LRP8: variants seen among roughly 807,000 people sequenced by gnomAD.
LRP8 encodes low-density lipoprotein receptor-related protein 8.
A neutral mutation model predicts 111.6 loss-of-function variants in LRP8; 46 were observed. The ratio of observed to expected loss-of-function variants is 0.41; its 90% CI spans 0.33 to 0.53. The LOEUF is 0.53. Ranked by LOEUF, LRP8 falls within the 20% of genes least tolerant of loss-of-function variation. The probability of loss-of-function intolerance (pLI) is 0.20; values close to 1 mark genes in which losing one functional copy is unlikely to be tolerated. For synonymous variants in LRP8, 464 were observed against 511.2 expected, an observed-to-expected ratio of 0.91 and a Z score of 1.24; for missense variants, 959 against 1,297.4, an observed-to-expected ratio of 0.74 and a Z score of 4.01.
intron 2 of LRP8, among the ~76,000 whole-genome samples, chr1:53,312,311 C>T (rs1653148839): frequency 1.3e-5 from 2 of 152,190 alleles, no homozygotes; most frequent in Admixed American, 1.3e-4. Flanking sequence ...CTTCCAAGAT[C>T]CTCTGTTTCT....
At position 53,276,756 on chromosome 1, in the gene LRP8, C is replaced by T. The variant is rs1272767058; in HGVS notation, c.819G>A (p.Val273=). The T allele has an allele frequency of 6.1e-6, 9 of 1,479,842 alleles. No individual in the cohort carries two copies. The allele number at this position is 1,479,842 out of a possible 1,614,324, so 91.7% of individuals were successfully genotyped here. A position where few individuals can be genotyped will look rare whatever the true frequency, so the allele number is the denominator to read the frequency against. Residue 273 remains valine (V), a synonymous_variant, in exon 5 of 19, where the codon GTG becomes GTA. Transcript: ENST00000306052. ...SQFACRSGEC[V]HLGWRCDGDR... ...CGCCGTCGCAGCGCCAGCCCAGGTGCACGCACTCGCCGCTGCGGCAGGCGA... is the reference window on the plus strand; with the variant it reads ...CGCCGTCGCAGCGCCAGCCCAGGTGTACGCACTCGCCGCTGCGGCAGGCGA...
At position 53,276,963 on chromosome 1, in the gene LRP8, C is replaced by T; in HGVS notation, c.612G>A (p.Pro204=). The T allele has an allele frequency of 6.7e-7, 1 of 1,485,704 alleles. No homozygotes were observed. The highest frequency in any genetic ancestry group is 8.9e-7 in the Non-Finnish European group (1 of 1,121,760). The allele number at this position is 1,485,704 out of a possible 1,614,324, so 92.0% of individuals were successfully genotyped here. ...DGSDERGCAD[P]ACGPREFRCG... ...AGCGGAACTCGCGGGGCCCGCAGGC[C>T]GGGTCTGCACAGCCGCGCTCATCGC... Residue 204 remains proline (P), a synonymous_variant, in exon 5 of 19, where the codon CCG becomes CCA. Transcript: ENST00000306052.
At chr1:53,260,410 A>AG (rs1646285484) in intron 13 of LRP8, 54 bp downstream of exon 13, 2 of 1,579,536 alleles carry the variant, frequency 1.3e-6, no homozygotes, top group African/African-American at 2.7e-5. Context: ...GTGAAAGGAG[A>AG]GGACACAGTG....
chr1:53,310,622 T>C (rs907398964), intron 2 of LRP8, among the ~76,000 whole-genome samples: 1 of 152,148 alleles, frequency 6.6e-6, no homozygotes, highest in Non-Finnish European at 1.5e-5. Flanking sequence ...TCTGCGCTGC[T>C]CTGAGGACGC....
chr1:53,250,870 A>AAGGACAC lies in LRP8; in HGVS notation c.2504-15_2504-9dup. The AAGGACAC allele has an allele frequency of 6.2e-7, 1 of 1,613,912 alleles. No homozygotes were observed. The highest frequency in any genetic ancestry group is 2.2e-5 in the East Asian group (1 of 44,884). On this transcript the variant is annotated splice_polypyrimidine_tract_variant and intron_variant, in intron 16 of 18. Transcript: ENST00000306052. This position sits in a 1 kb window ranked among gnomAD's most constrained non-coding sequence, Gnocchi z 4.6. ...ACAGGAGGGCTATCACCACTGGAGG[A>AAGGACAC]AGGACACAGGACACTGGACCTCCAG...
chr1:53,246,009 A>G lies in LRP8; in HGVS notation c.*1009T>C, dbSNP rs1204953383. 1 of 152,466 alleles carries G rather than the reference A, an allele frequency of 6.6e-6. No homozygotes were observed. The highest frequency in any genetic ancestry group is 1.9e-4 in the East Asian group (1 of 5,196). 9.4% of individuals were successfully genotyped at this position (152,466 alleles called of 1,614,324 possible). On this transcript the variant is annotated 3_prime_UTR_variant, in exon 19 of 19. Coordinates refer to ENST00000306052, the MANE Select transcript of LRP8 (RefSeq NM_004631.5). ...GAAAGAAATTGAAGAAGTTACTCAA[A>G]GAGCTGAACTTTAAAACAAGGAGTA... is the stretch of plus-strand genomic sequence containing the variant.
chr1:53,291,410 CT>C (rs1019027750), intron 2 of LRP8, among the ~76,000 whole-genome samples: 1 of 152,070 alleles, frequency 6.6e-6, no homozygotes, highest in African/African-American at 2.4e-5. Context: ...GCCTGCCCCG[CT>C]CCCTCATCTT....
chr1:53,270,643 GA>G (rs1646729247), intron 8 of LRP8, among the ~76,000 whole-genome samples: 1 of 152,118 alleles, frequency 6.6e-6, no homozygotes, highest in African/African-American at 2.4e-5. Context: ...GGAACTTCAA[GA>G]AAAAAACCCA....
At chr1:53,253,818 A>G (rs540493639) in intron 16 of LRP8, among the ~76,000 whole-genome samples, 12 of 152,358 alleles carry the variant, frequency 7.9e-5, no homozygotes, top group African/African-American at 2.9e-4. Context: ...TCACAAGAGT[A>G]TCATGCCACT....
intron 9 of LRP8, 88 bp from the exon 10 acceptor site, chr1:53,264,484 A>G (rs1646476498): frequency 9.9e-7 from 1 of 1,011,528 alleles, no homozygotes; most frequent in Non-Finnish European, 1.5e-6. Flanking sequence ...CCTCTCTTCC[A>G]TCTGGGCCAT....
chr1:53,290,873 C>T (rs757821108), intron 2 of LRP8, among the ~76,000 whole-genome samples: 1 of 152,070 alleles, frequency 6.6e-6, no homozygotes, highest in East Asian at 1.9e-4. Flanking sequence ...CGGGAAGGGG[C>T]CTTGAGCGCT....
Position 53,327,497 on chromosome 1 carries a change from G to T in LRP8, c.124+292C>A. The T allele has an allele frequency of 6.0e-6, 2 of 333,548 alleles. 1 individual carries two copies. The highest frequency in any genetic ancestry group is 1.1e-5 in the Non-Finnish European group (2 of 185,878). 20.7% of individuals were successfully genotyped at this position (333,548 alleles called of 1,614,324 possible). A position where few individuals can be genotyped will look rare whatever the true frequency, so the allele number is the denominator to read the frequency against. ...AAACCCCAACGGCGAGAATCACACAGCTCATCCGGAACCATGAATGGCCGC... is the reference window on the plus strand; with the variant it reads ...AAACCCCAACGGCGAGAATCACACATCTCATCCGGAACCATGAATGGCCGC... On this transcript the variant is annotated intron_variant, in intron 1 of 18. Coordinates refer to ENST00000306052, the MANE Select transcript of LRP8 (RefSeq NM_004631.5).
chr1:53,325,762 C>G (rs944499740), intron 2 of LRP8, among the ~76,000 whole-genome samples: 11 of 152,360 alleles, frequency 7.2e-5, no homozygotes, highest in Admixed American at 2.0e-4. Flanking sequence ...TGTCGCCCTC[C>G]TCCCTCAGAC....
chr1:53,287,795 G>A (rs548416268), intron 3 of LRP8, among the ~76,000 whole-genome samples: 108 of 152,224 alleles, frequency 7.1e-4, no homozygotes, highest in African/African-American at 2.3e-3. Context: ...GCAGGTGCTG[G>A]GATGGGCAAG....
rs1212220352 is a variant in LRP8 at position 53,327,791 on chromosome 1, T to C, written c.122A>G (p.Gln41Arg). ...AGTCAGAGACCGGCTGCACGCACCT[T>C]GGCCGCCGAGCAGCGGATCAGCCGC... ...AAAADPLLGG[Q>R]GPAKDCEKDQ... The change falls in exon 1 of 19, where the codon CAA (glutamine) becomes CGA (arginine). Residue 41 changes from glutamine to arginine, a missense_variant and splice_region_variant. Gln to Arg is a conservative substitution (Grantham distance 43, BLOSUM62 1). This residue lies in a region of LRP8 where 97 missense variants were observed against 107.5 expected (regional missense o/e 0.90). Transcript: ENST00000306052. 9 of 1,510,512 alleles carry C rather than the reference T, an allele frequency of 6.0e-6. No homozygotes were observed. Among genetic ancestry groups the C allele is most frequent in the African/African-American group, 1.4e-5 (1 of 70,176 alleles). 93.6% of individuals were successfully genotyped at this position (1,510,512 alleles called of 1,614,324 possible).
intron 2 of LRP8, among the ~76,000 whole-genome samples, chr1:53,323,219 G>C (rs114783146): frequency 6.7e-4 from 102 of 152,308 alleles, no homozygotes; most frequent in African/African-American, 2.4e-3. Context: ...CACCCCAGCA[G>C]TTCTACACCC....
chr1:53,292,550 C>G lies in LRP8; in HGVS notation c.245-2861G>C, dbSNP rs116186396. 3.0e-3 allele frequency among the ~76,000 whole-genome samples: 456 copies of G among 152,334 alleles called. 3 individuals carry two copies. The highest frequency in any genetic ancestry group is 0.01 in the African/African-American group (420 of 41,572). The stretch of plus-strand genomic sequence containing the variant: ...TAAGTACCAATATGAACCACAGCAC[C>G]TGGGGAATTTCCTAATGTGAACACC... On this transcript the variant is annotated intron_variant, in intron 2 of 18. Transcript: ENST00000306052.
At chr1:53,248,984 T>C (rs1572413575) in intron 18 of LRP8, among the ~76,000 whole-genome samples, 2 of 152,238 alleles carry the variant, frequency 1.3e-5, no homozygotes, top group East Asian at 3.8e-4. Context: ...AGGATGGAAC[T>C]GGGAGTTTTC....
chr1:53,300,365 C>T lies in LRP8; in HGVS notation c.245-10676G>A, dbSNP rs114547746. The stretch of plus-strand genomic sequence containing the variant: ...GTCTGACAATGCCCCCATCCAAATG[C>T]CCCCACCTCTGACAGAGCAGAAATG... On this transcript the variant is annotated intron_variant, in intron 2 of 18. Coordinates refer to ENST00000306052, the MANE Select transcript of LRP8 (RefSeq NM_004631.5). Among the ~76,000 whole-genome samples, 1,152 of 152,332 alleles carry T rather than the reference C, an allele frequency of 7.6e-3. 8 individuals carry two copies. The highest frequency in any genetic ancestry group is 0.012 in the Non-Finnish European group (807 of 68,032).
Sources: allele counts gnomAD v4.1 joint callset (sites outside exome capture counted in the v4.1 genomes callset), GRCh38; gene constraint gnomAD v4.1.1; regional missense constraint gnomAD v4.1.1; non-coding constraint Gnocchi (gnomAD v3.1); transcripts MANE v1.5; gene names NCBI Gene and HGNC (gene_info 2026-07-23, HGNC 2026-07-21).